Variants in TBC1D5 observed in about 807,000 individuals in gnomAD.
TBC1D5 encodes TBC1 domain family member 5.
Under a neutral mutation model 100.3 loss-of-function variants are expected in TBC1D5, and 75 were observed. The observed-to-expected ratio is 0.75, with a 90% CI of 0.62 to 0.91. The LOEUF (loss-of-function observed/expected upper bound fraction) is 0.91, where lower values mean the gene tolerates loss of function less well. Among genes scored for constraint, TBC1D5 ranks in the 40% least tolerant of loss-of-function variants. The probability of loss-of-function intolerance (pLI) is 0.00; values close to 1 mark genes in which losing one functional copy is unlikely to be tolerated. For missense variants in TBC1D5, 910 were observed against 942.4 expected (o/e 0.97, Z 0.45); for synonymous variants, 323 against 325.6 (o/e 0.99, Z 0.09).
In TBC1D5 at chr3:17,493,619, G is replaced by A. The variant is rs552865259; in HGVS notation, c.97+14855C>T. ...CCCATAGTTCTCAGAGGTTTTGTTCGTTCCTTACCATTCTCTTTTCTCTAA... is the reference window on the plus strand; with the variant it reads ...CCCATAGTTCTCAGAGGTTTTGTTCATTCCTTACCATTCTCTTTTCTCTAA... On this transcript the variant is annotated intron_variant, in intron 3 of 21. Coordinates refer to ENST00000253692, the Ensembl canonical transcript of TBC1D5. Among the ~76,000 whole-genome samples the A allele has an allele frequency of 6.6e-5, 10 of 152,120 alleles. 1 individual carries two copies. Among genetic ancestry groups the A allele is most frequent in the Admixed American group, 5.2e-4 (8 of 15,284 alleles).
At chr3:17,184,928 G>T (rs2068842733) in intron 19 of TBC1D5, 181 bp downstream of exon 20, 2 of 399,594 alleles carry the variant, frequency 5.0e-6, no homozygotes, top group African/African-American at 2.0e-5. Flanking sequence ...TCTATGCCTT[G>T]GTTTCTTCAT....
At chr3:17,595,586 A>G (rs1452930654) in intron 2 of TBC1D5, among the ~76,000 whole-genome samples, 1 of 152,244 alleles carries the variant, frequency 6.6e-6, no homozygotes. Flanking sequence ...TTCTAAAAAT[A>G]TGCTTTAGGT....
At chr3:17,524,971 T>C (rs1054614167) in intron 2 of TBC1D5, among the ~76,000 whole-genome samples, 1 of 152,024 alleles carries the variant, frequency 6.6e-6, no homozygotes, top group Non-Finnish European at 1.5e-5. Flanking sequence ...CACAGCATAC[T>C]GAAATCAACA....
chr3:17,330,881 C>A (rs904045028), intron 13 of TBC1D5, among the ~76,000 whole-genome samples: 1 of 152,172 alleles, frequency 6.6e-6, no homozygotes, highest in African/African-American at 2.4e-5. Flanking sequence ...GAATCTACTG[C>A]TCAACTCCTC....
At chr3:17,259,349 A>T (rs143509170) in intron 15 of TBC1D5, among the ~76,000 whole-genome samples, 1 of 152,162 alleles carries the variant, frequency 6.6e-6, no homozygotes, top group African/African-American at 2.4e-5. Context: ...AAACATATCT[A>T]TTATTTAAAT....
At chr3:17,624,734 G>A (rs1337440583) in intron 1 of TBC1D5, among the ~76,000 whole-genome samples, 3 of 151,998 alleles carry the variant, frequency 2.0e-5, no homozygotes, top group Non-Finnish European at 4.4e-5. Context: ...CAGGGTATCT[G>A]TACTATATAC....
chr3:17,352,659 C>G (rs1418890297), intron 13 of TBC1D5, among the ~76,000 whole-genome samples: 2 of 122,180 alleles, frequency 1.6e-5, no homozygotes. Context: ...AGAACCATCT[C>G]TAACTACAAT....
At chr3:17,283,685 A>G (rs889587191) in intron 15 of TBC1D5, among the ~76,000 whole-genome samples, 1 of 152,090 alleles carries the variant, frequency 6.6e-6, no homozygotes, top group Admixed American at 6.5e-5. Context: ...AAATGTCTTA[A>G]TCATTGCCAA....
intron 1 of TBC1D5, among the ~76,000 whole-genome samples, chr3:17,731,673 G>A (rs2076569187): frequency 2.0e-5 from 3 of 152,050 alleles, no homozygotes; most frequent in South Asian, 2.1e-4. Flanking sequence ...AAGAGATGAT[G>A]GGGACCTGAA....
At chr3:17,445,606 T>C (rs182424787) in intron 3 of TBC1D5, among the ~76,000 whole-genome samples, 1 of 152,274 alleles carries the variant, frequency 6.6e-6, no homozygotes, top group Admixed American at 6.5e-5. Context: ...TAGGTGAGAA[T>C]AGTACAATAA....
chr3:17,532,547 T>C (rs2096240961), intron 2 of TBC1D5, among the ~76,000 whole-genome samples: 1 of 152,224 alleles, frequency 6.6e-6, no homozygotes, highest in Non-Finnish European at 1.5e-5. Flanking sequence ...GTATGTTTAT[T>C]GTGGCACTAT....
chr3:17,544,768 A>T (rs992404373), intron 2 of TBC1D5, among the ~76,000 whole-genome samples: 5 of 152,134 alleles, frequency 3.3e-5, no homozygotes, highest in Admixed American at 6.6e-5. Context: ...AAGGAATATA[A>T]TATTATTTTC....
At chr3:17,560,859 T>C (rs1254259547) in intron 2 of TBC1D5, among the ~76,000 whole-genome samples, 2 of 151,416 alleles carry the variant, frequency 1.3e-5, no homozygotes, top group African/African-American at 4.9e-5. Flanking sequence ...AGGCAGAGGT[T>C]GCAGTGAGCA....
intron 1 of TBC1D5, among the ~76,000 whole-genome samples, chr3:17,691,452 A>C (rs6577629): frequency 0.05 from 7,629 of 152,276 alleles, 607 homozygotes; most frequent in African/African-American, 0.17. Flanking sequence ...GATCCAATAA[A>C]TTCCATATTT....
chr3:17,347,686 G>A (rs1029106002), intron 13 of TBC1D5, among the ~76,000 whole-genome samples: 14 of 151,886 alleles, frequency 9.2e-5, no homozygotes, highest in African/African-American at 3.4e-4. Flanking sequence ...GTCTGAGCTC[G>A]GAATTTTTTG....
chr3:17,177,218 A>C (rs1366528379), intron 19 of TBC1D5, among the ~76,000 whole-genome samples: 2 of 152,210 alleles, frequency 1.3e-5, no homozygotes, highest in African/African-American at 4.8e-5. Flanking sequence ...TGAAAGTTGG[A>C]CAGTCTGTAC....
intron 1 of TBC1D5, among the ~76,000 whole-genome samples, chr3:17,735,796 G>C (rs1333785976): frequency 6.6e-6 from 1 of 152,216 alleles, no homozygotes; most frequent in Non-Finnish European, 1.5e-5. Flanking sequence ...GAAGTCAGCA[G>C]CAGGTGTGCG....
chr3:17,598,265 T>C (rs188077892), intron 2 of TBC1D5, among the ~76,000 whole-genome samples: 3 of 152,218 alleles, frequency 2.0e-5, no homozygotes, highest in African/African-American at 4.8e-5. Context: ...ATGGGAGTTT[T>C]CAAAACTGAC....
chr3:17,334,552 G>C (rs1252655609), intron 13 of TBC1D5, among the ~76,000 whole-genome samples: 1 of 152,130 alleles, frequency 6.6e-6, no homozygotes, highest in Non-Finnish European at 1.5e-5. Context: ...GTGGGGTCAG[G>C]ATTAAAACCT....
Sources: gnomAD v4.1 joint callset for allele counts (sites outside exome capture counted in the v4.1 genomes callset) on GRCh38, gnomAD v4.1.1 for gene constraint, MANE v1.5 for transcripts, NCBI Gene and HGNC (gene_info 2026-07-23, HGNC 2026-07-21) for gene names.